ERGIC3: variants seen among roughly 807,000 people sequenced by gnomAD.
The protein encoded by ERGIC3 is endoplasmic reticulum-Golgi intermediate compartment protein 3.
In ERGIC3, 33 loss-of-function variants were observed where a neutral mutation model predicts 54.7. The observed-to-expected ratio is 0.60, with a 90% CI of 0.46 to 0.81. ERGIC3 has a LOEUF of 0.81. Among genes scored for constraint, ERGIC3 ranks in the 30% least tolerant of loss-of-function variants. The probability of loss-of-function intolerance (pLI) is 0.00; values close to 1 mark genes in which losing one functional copy is unlikely to be tolerated. For synonymous variants in ERGIC3, 186 were observed against 189.8 expected (o/e 0.98, Z 0.16); for missense variants, 399 against 488.4 (o/e 0.82, Z 1.73).
intron 7 of ERGIC3, among the ~76,000 whole-genome samples, chr20:35,552,383 G>A (rs569179284): frequency 6.6e-6 from 1 of 152,300 alleles, no homozygotes; most frequent in Admixed American, 6.5e-5. Context: ...GGCCTCCCTG[G>A]AGTCCGCGGC....
At chr20:35,547,573 T>G (rs967429188) in intron 5 of ERGIC3, 68 bp downstream of exon 5, 3 of 1,454,924 alleles carry the variant, frequency 2.1e-6, no homozygotes, top group Non-Finnish European at 2.9e-6. Flanking sequence ...TCAGCCTCAG[T>G]CAGACTGTGG....
intron 7 of ERGIC3, among the ~76,000 whole-genome samples, chr20:35,551,393 C>T (rs969197213): frequency 1.5e-4 from 23 of 151,832 alleles, no homozygotes; most frequent in Admixed American, 6.6e-5. Flanking sequence ...AGCTGGTATT[C>T]GGCTTTTGAC....
intron 7 of ERGIC3, among the ~76,000 whole-genome samples, chr20:35,552,829 G>A (rs915258761): frequency 6.6e-6 from 1 of 152,062 alleles, no homozygotes; most frequent in Non-Finnish European, 1.5e-5. Context: ...GGAGGCCCGG[G>A]TACTGGAAGG....
At chr20:35,550,169 C>T (rs1219673656) in intron 7 of ERGIC3, among the ~76,000 whole-genome samples, 1 of 151,834 alleles carries the variant, frequency 6.6e-6, no homozygotes, top group Non-Finnish European at 1.5e-5. Flanking sequence ...GACCTGAAGA[C>T]AGTGAGGGAG....
chr20:35,557,036 G>T lies in ERGIC3; in HGVS notation c.943G>T (p.Asp315Tyr). The T allele has an allele frequency of 6.2e-7, 1 of 1,614,222 alleles. No individual in the cohort carries two copies. The highest frequency in any genetic ancestry group is 1.1e-5 in the South Asian group (1 of 91,078). Residue 315 changes from aspartate to tyrosine, a missense_variant, in exon 11 of 13, where the codon GAC (aspartate) becomes TAC (tyrosine). Asp to Tyr is a radical substitution (Grantham distance 160). Coordinates refer to ENST00000348547, the MANE Select transcript of ERGIC3 (RefSeq NM_015966.3). ...GAAGGTTGCCAATGGGCTGTTGGGC[G>T]ACCAAGGCCTTCCCGGAGTCTTCGT... ...HEKVANGLLG[D>Y]QGLPGVFVLY... is the part of the protein sequence containing the mutation.
At chr20:35,555,882 G>A (rs2064708543) in intron 8 of ERGIC3, 151 bp from the exon 9 acceptor site, 1 of 677,382 alleles carries the variant, frequency 1.5e-6, no homozygotes, top group Non-Finnish European at 2.5e-6. Flanking sequence ...GGAGTTTCTA[G>A]GCAGGGAATG....
intron 2 of ERGIC3, 26 bp from the exon 3 acceptor site, chr20:35,542,483 CTAAG>C: frequency 6.2e-7 from 1 of 1,613,840 alleles, no homozygotes; most frequent in Non-Finnish European, 8.5e-7. Context: ...AGGTTTGGGG[CTAAG>C]TCTTACTGAG....
chr20:35,552,295 A>G (rs2064686000), intron 7 of ERGIC3, among the ~76,000 whole-genome samples: 1 of 152,168 alleles, frequency 6.6e-6, no homozygotes, highest in Admixed American at 6.5e-5. Flanking sequence ...ATTTGAAAGA[A>G]GAAAAGATGT....
chr20:35,547,933 A>G (rs981812134), intron 5 of ERGIC3, among the ~76,000 whole-genome samples: 2 of 152,240 alleles, frequency 1.3e-5, no homozygotes, highest in Admixed American at 1.3e-4. Context: ...GACCCTCAGT[A>G]TCTGATAACT....
chr20:35,552,904 G>T (rs966886195), intron 7 of ERGIC3, among the ~76,000 whole-genome samples: 2 of 151,986 alleles, frequency 1.3e-5, no homozygotes, highest in African/African-American at 4.8e-5. Flanking sequence ...GAGAGTGACA[G>T]GCAGTTGCCC....
At position 35,557,611 on chromosome 20, in the gene ERGIC3, A is replaced by G; in HGVS notation, c.*107A>G. 1 of 916,758 alleles carries G rather than the reference A, an allele frequency of 1.1e-6. No homozygotes were observed. Among genetic ancestry groups the G allele is most frequent in the Non-Finnish European group, 1.7e-6 (1 of 573,776 alleles). 56.8% of individuals were successfully genotyped at this position (916,758 alleles called of 1,614,324 possible). On this transcript the variant is annotated 3_prime_UTR_variant, in exon 13 of 13. Coordinates refer to ENST00000348547, the MANE Select transcript of ERGIC3 (RefSeq NM_015966.3). Reference sequence around the variant, plus strand: ...GTCAGCCCCAGCCCCAGGTTGATAAATCTATTGATTGATTGTGATAGTACT... The same window carrying G: ...GTCAGCCCCAGCCCCAGGTTGATAAGTCTATTGATTGATTGTGATAGTACT...
intron 4 of ERGIC3, 155 bp downstream of exon 4, chr20:35,543,096 G>C: frequency 9.6e-7 from 1 of 1,039,574 alleles, no homozygotes; most frequent in Admixed American, 2.1e-5. Context: ...GCTAGTAAGA[G>C]TCAGAGTGAG....
rs115227756 is a variant in ERGIC3, at chr20:35,556,029, A to G, written c.718-4A>G. 5.3e-3 allele frequency: 8,504 copies of G among 1,613,652 alleles called. 338 individuals carry two copies. In the African/African-American group the frequency reaches 0.097, roughly 18 times the overall value. ...GGATGAGCTCTGGATGGTGTTGTTT[A>G]CAGATCAACATGACCCACTACATCC... On this transcript the variant is annotated splice_region_variant and splice_polypyrimidine_tract_variant and intron_variant, in intron 8 of 12. Transcript: ENST00000348547.
intron 5 of ERGIC3, among the ~76,000 whole-genome samples, chr20:35,547,815 C>T (rs1419530070): frequency 6.6e-6 from 1 of 152,070 alleles, no homozygotes; most frequent in Non-Finnish European, 1.5e-5. Flanking sequence ...CATGTAACCT[C>T]TCTATGTGAA....
At chr20:35,543,078 G>A (rs943143208) in intron 4 of ERGIC3, 137 bp downstream of exon 4, 4 of 1,287,022 alleles carry the variant, frequency 3.1e-6, no homozygotes, top group Non-Finnish European at 4.3e-6. Flanking sequence ...CTTGCCTAGG[G>A]TCCCCCAGCT....
At chr20:35,556,887 A>G (rs746585429) in intron 10 of ERGIC3, 86 bp from the exon 11 acceptor site, 2 of 1,582,008 alleles carry the variant, frequency 1.3e-6, no homozygotes, top group East Asian at 2.3e-5. Context: ...GCTCAACAGG[A>G]AAGGGGAAGG....
At chr20:35,545,663 C>A (rs2064645122) in intron 4 of ERGIC3, among the ~76,000 whole-genome samples, 1 of 152,170 alleles carries the variant, frequency 6.6e-6, no homozygotes, top group Non-Finnish European at 1.5e-5. Context: ...TTACACAGGT[C>A]AGCCTTACTC....
chr20:35,554,876 A>G (rs190070471), intron 7 of ERGIC3, 168 bp from the exon 8 acceptor site: 482 of 808,342 alleles, frequency 6.0e-4, no homozygotes, highest in Non-Finnish European at 9.5e-4. Context: ...CACAGGCCCA[A>G]GGCTTGCCCT....
chr20:35,543,480 G>A lies in ERGIC3; in HGVS notation c.367+539G>A, dbSNP rs1235093802. On this transcript the variant is annotated intron_variant, in intron 4 of 12. Coordinates refer to ENST00000348547, the MANE Select transcript of ERGIC3 (RefSeq NM_015966.3). ...ATTGTAAGATCAAATGAAGTCATAT[G>A]TGTAAAATGCCTGGTACAGAGTGGG... is the stretch of plus-strand genomic sequence containing the variant. The A allele has an allele frequency of 4.9e-5, 19 of 388,694 alleles. No individual in the cohort carries two copies. In the Admixed American group the frequency reaches 5.8e-4, roughly 12 times the overall value. 24.1% of individuals were successfully genotyped at this position (388,694 alleles called of 1,614,324 possible).
Sources: allele counts gnomAD v4.1 joint callset (sites outside exome capture counted in the v4.1 genomes callset), GRCh38; gene constraint gnomAD v4.1.1; transcripts MANE v1.5; gene names NCBI Gene and HGNC (gene_info 2026-07-23, HGNC 2026-07-21).